The following CDH4 variants were observed in gnomAD, a reference collection of about 807,000 sequenced individuals.
CDH4 encodes cadherin 4.
A neutral mutation model predicts 86.0 loss-of-function variants in CDH4; 33 were observed. That is an observed-to-expected ratio of 0.38 (90% CI 0.29 to 0.51). The LOEUF (loss-of-function observed/expected upper bound fraction) is 0.51. Ranked by LOEUF, CDH4 falls within the 20% of genes least tolerant of loss-of-function variation. The pLI is 0.86. For missense variants in CDH4, 1,114 were observed against 1,307.4 expected (o/e 0.85, Z 2.28); for synonymous variants, 555 against 549.4 (o/e 1.01, Z -0.14).
At chr20:61,901,655 C>T (rs116481434) in intron 8 of CDH4, among the ~76,000 whole-genome samples, 3,218 of 152,370 alleles carry the variant, frequency 0.021, 107 homozygotes, top group African/African-American at 0.072. Context: ...CACCGGGCTC[C>T]GGCCGGGAGA....
chr20:61,378,911 G>A (rs2084885662), intron 2 of CDH4, among the ~76,000 whole-genome samples: 1 of 152,144 alleles, frequency 6.6e-6, no homozygotes, highest in Non-Finnish European at 1.5e-5. Flanking sequence ...CCAAGACATT[G>A]ACATTAGTCC....
At chr20:61,795,491 G>A (rs541377981) in intron 4 of CDH4, among the ~76,000 whole-genome samples, 1 of 152,290 alleles carries the variant, frequency 6.6e-6, no homozygotes, top group East Asian at 1.9e-4. Context: ...GAGACACTCA[G>A]GGTGACAATG....
At chr20:61,928,465 G>C in intron 12 of CDH4, 42 bp downstream of exon 12, 4 of 1,564,032 alleles carry the variant, frequency 2.6e-6, no homozygotes, top group Non-Finnish European at 3.5e-6. Context: ...GACTAGCCTG[G>C]GGTGCAGGCC....
chr20:61,273,143 C>G (rs1433345961), intron 2 of CDH4, among the ~76,000 whole-genome samples: 1 of 90,130 alleles, frequency 1.1e-5, no homozygotes, highest in Non-Finnish European at 2.0e-5. Context: ...TGGGGAGTAC[C>G]GTGTGCAGTT....
At chr20:61,391,440 C>T (rs1320253361) in intron 2 of CDH4, among the ~76,000 whole-genome samples, 1 of 152,164 alleles carries the variant, frequency 6.6e-6, no homozygotes, top group Non-Finnish European at 1.5e-5. Flanking sequence ...CCACCACCTG[C>T]GCCCTCCGAA....
intron 2 of CDH4, among the ~76,000 whole-genome samples, chr20:61,390,733 C>T (rs1189046697): frequency 1.3e-5 from 2 of 151,588 alleles, no homozygotes; most frequent in South Asian, 4.2e-4. Flanking sequence ...CGATTGAGAT[C>T]GTGCAGTCAT....
chr20:61,362,627 A>T (rs2084790202), intron 2 of CDH4, among the ~76,000 whole-genome samples: 1 of 152,020 alleles, frequency 6.6e-6, no homozygotes, highest in African/African-American at 2.4e-5. Flanking sequence ...AAGTGGTGAG[A>T]TTCAGCGGGT....
chr20:61,595,133 C>T (rs957229769), intron 2 of CDH4, among the ~76,000 whole-genome samples: 4 of 152,220 alleles, frequency 2.6e-5, no homozygotes, highest in African/African-American at 9.6e-5. Flanking sequence ...GCCCCAGGAC[C>T]TCCCACCCTT....
chr20:61,828,724 C>A (rs1034075673), intron 4 of CDH4, among the ~76,000 whole-genome samples: 3 of 152,238 alleles, frequency 2.0e-5, no homozygotes, highest in African/African-American at 7.2e-5. Flanking sequence ...GGCCTTGGCT[C>A]AGACACTGAG....
chr20:61,284,919 T>G (rs1412606584), intron 2 of CDH4, among the ~76,000 whole-genome samples: 1 of 152,228 alleles, frequency 6.6e-6, no homozygotes, highest in Non-Finnish European at 1.5e-5. Context: ...GGTGGGGCTG[T>G]GTGCCAATAA....
rs117259560 is a variant in CDH4, at chr20:61,316,945, G to A, written c.169+62008G>A. Among the ~76,000 whole-genome samples the A allele has an allele frequency of 3.0e-4, 46 of 152,184 alleles. No individual in the cohort carries two copies. The East Asian group carries it at 7.3e-3, about 24-fold the overall frequency. On this transcript the variant is annotated intron_variant, in intron 2 of 15. Coordinates refer to ENST00000614565, the MANE Select transcript of CDH4 (RefSeq NM_001794.5). ...GTGCGTGCAGCCTCTGTACCTGAACGTCTGGCAGCAGCCTTTAAAGACGTG... is the reference window on the plus strand; with the variant it reads ...GTGCGTGCAGCCTCTGTACCTGAACATCTGGCAGCAGCCTTTAAAGACGTG...
intron 2 of CDH4, among the ~76,000 whole-genome samples, chr20:61,711,239 T>C (rs6061759): frequency 0.57 from 86,761 of 152,038 alleles, 25,863 homozygotes; most frequent in Non-Finnish European, 0.66. Context: ...TGAAGGAGGA[T>C]GTGTTTGCTT....
At chr20:61,796,226 G>T (rs1465867296) in intron 4 of CDH4, among the ~76,000 whole-genome samples, 1 of 152,118 alleles carries the variant, frequency 6.6e-6, no homozygotes, top group African/African-American at 2.4e-5. Flanking sequence ...GTTCAGAGAG[G>T]CTGAGTGACT....
intron 2 of CDH4, among the ~76,000 whole-genome samples, chr20:61,354,432 T>C (rs2084734418): frequency 6.6e-6 from 1 of 152,190 alleles, no homozygotes; most frequent in Non-Finnish European, 1.5e-5. Context: ...GCTGGGTCCT[T>C]ATGAAAATGG....
At chr20:61,878,271 C>G (rs73145118) in intron 7 of CDH4, among the ~76,000 whole-genome samples, 19,032 of 152,258 alleles carry the variant, frequency 0.12, 1,502 homozygotes, top group South Asian at 0.24. Context: ...ACATCCAGGT[C>G]CCTGAGCTGC....
At chr20:61,847,549 A>C (rs1982514246) in intron 5 of CDH4, among the ~76,000 whole-genome samples, 1 of 152,266 alleles carries the variant, frequency 6.6e-6, no homozygotes, top group Non-Finnish European at 1.5e-5. Context: ...CCGTGTAAAC[A>C]TGCGGTGTAA....
chr20:61,693,386 G>A (rs1028156418), intron 2 of CDH4, among the ~76,000 whole-genome samples: 5 of 152,186 alleles, frequency 3.3e-5, no homozygotes, highest in Admixed American at 2.6e-4. Flanking sequence ...TAAGGGGAGC[G>A]GCTTTAGCTT....
chr20:61,423,620 AT>A (rs374958339), intron 2 of CDH4, among the ~76,000 whole-genome samples: 4,579 of 151,288 alleles, frequency 0.03, 100 homozygotes, highest in Non-Finnish European at 0.044. Context: ...ATGGCTTGGG[AT>A]TTTTTTTGTT....
chr20:61,276,273 G>A (rs1439193558), intron 2 of CDH4, among the ~76,000 whole-genome samples: 7 of 152,116 alleles, frequency 4.6e-5, no homozygotes, highest in Admixed American at 4.6e-4. Context: ...TCTTAAGCTA[G>A]AACTTAAGAC....
Sources: allele counts gnomAD v4.1 joint callset (sites outside exome capture counted in the v4.1 genomes callset), GRCh38; gene constraint gnomAD v4.1.1; transcripts MANE v1.5; gene names NCBI Gene and HGNC (gene_info 2026-07-23, HGNC 2026-07-21).